Variants in ENSA observed in about 807,000 individuals in gnomAD.
ENSA encodes alpha-endosulfine.
A neutral mutation model predicts 16.8 loss-of-function variants in ENSA; 7 were observed. The observed-to-expected ratio is 0.42, with a 90% CI of 0.24 to 0.78. ENSA has a LOEUF of 0.78. Among genes scored for constraint, ENSA ranks in the 30% least tolerant of loss-of-function variants. ENSA has a pLI of 0.29. For missense variants in ENSA, 87 were observed against 142.3 expected (o/e 0.61, Z 1.98); for synonymous variants, 58 against 53.4 (o/e 1.09, Z -0.37).
intron 1 of ENSA, 45 bp from the exon 2 acceptor site, chr1:150,627,637 A>T (rs1649443588): frequency 6.4e-7 from 1 of 1,565,210 alleles, no homozygotes. Context: ...ACTGAGAAAC[A>T]ACAGCTTCTC....
intron 3 of ENSA, chr1:150,625,079 T>C: frequency 3.0e-6 from 3 of 985,402 alleles, no homozygotes; most frequent in Non-Finnish European, 3.6e-6. Flanking sequence ...CTGTAAGAGA[T>C]ACTAAGTAAT....
At position 150,622,364 on chromosome 1, in the gene ENSA, T is replaced by G. The variant is rs1228010231; in HGVS notation, c.*480A>C. 6.4e-6 allele frequency: 1 copy of G among 157,360 alleles called. No homozygotes were observed. Among genetic ancestry groups the G allele is most frequent in the African/African-American group, 2.4e-5 (1 of 41,670 alleles). 9.7% of individuals were successfully genotyped at this position (157,360 alleles called of 1,614,324 possible). A position where few individuals can be genotyped will look rare whatever the true frequency, so the allele number is the denominator to read the frequency against. On this transcript the variant is annotated 3_prime_UTR_variant, in exon 4 of 4. Coordinates refer to ENST00000369014, the MANE Select transcript of ENSA (RefSeq NM_004436.4). ...ATCTGTCTGTGCGGATGGAGTTTCT[T>G]TTATCTGACACCAGGTCTCCAACCA...
intron 1 of ENSA, chr1:150,629,025 G>A (rs758430613): frequency 3.1e-6 from 5 of 1,610,990 alleles, no homozygotes; most frequent in African/African-American, 1.3e-5. Flanking sequence ...TGCGGATTGA[G>A]GCTGCGGGCC....
At chr1:150,624,178 T>A in intron 3 of ENSA, 1 of 985,544 alleles carries the variant, frequency 1.0e-6, no homozygotes, top group Non-Finnish European at 1.2e-6. Flanking sequence ...CCTCCACCTG[T>A]TCATGAGTCA....
chr1:150,623,476 T>G, intron 3 of ENSA: 1 of 985,828 alleles, frequency 1.0e-6, no homozygotes, highest in Non-Finnish European at 1.2e-6. Flanking sequence ...TTTTTCTGAT[T>G]TCCCTGCTCC....
rs769751729 is a variant in ENSA, at chr1:150,622,812, C to G, written c.*32G>C. The G allele has an allele frequency of 1.3e-6, 2 of 1,554,792 alleles. No homozygotes were observed. Among genetic ancestry groups the G allele is most frequent in the African/African-American group, 1.4e-5 (1 of 72,764 alleles). On this transcript the variant is annotated 3_prime_UTR_variant, in exon 4 of 4. Transcript: ENST00000369014. Reference sequence around the variant, plus strand: ...ACCCGGGTGGGGCAGGGAGGGGAAGCGTCTCAGGATCTGGCAGAGCCCCGG... The same window carrying G: ...ACCCGGGTGGGGCAGGGAGGGGAAGGGTCTCAGGATCTGGCAGAGCCCCGG...
rs587687665 is a variant in ENSA, at chr1:150,626,714, A to G, written c.183+753T>C. On this transcript the variant is annotated intron_variant, in intron 2 of 3. Transcript: ENST00000369014. Reference sequence around the variant, plus strand: ...TGGGACTACAGGCGCCCGCCACCACACCCGGCTAAGTGTTTGTATTATTAA... The same window carrying G: ...TGGGACTACAGGCGCCCGCCACCACGCCCGGCTAAGTGTTTGTATTATTAA... 4.5e-4 allele frequency among the ~76,000 whole-genome samples: 69 copies of G among 151,838 alleles called. 1 individual carries two copies. The South Asian group carries it at 8.6e-3, about 19-fold the overall frequency.
At chr1:150,629,312 G>A (rs1008341446) in intron 1 of ENSA, 102 bp downstream of exon 1, 2 of 1,545,964 alleles carry the variant, frequency 1.3e-6, no homozygotes. Context: ...GCCAACCCCT[G>A]CGGAGCCTGA....
chr1:150,627,268 A>G (rs930452953), intron 2 of ENSA, 199 bp downstream of exon 2: 14 of 1,538,938 alleles, frequency 9.1e-6, no homozygotes, highest in Non-Finnish European at 1.1e-5. Flanking sequence ...TTAATTTCCT[A>G]CATGGGAAAT....
At chr1:150,626,999 A>C in intron 2 of ENSA, 1 of 1,050,286 alleles carries the variant, frequency 9.5e-7, no homozygotes, top group Non-Finnish European at 1.2e-6. Flanking sequence ...TTGCTGCAGG[A>C]GTATAATTAA....
At chr1:150,621,493 C>G (rs1055301242), downstream of ENSA, 6 of 152,370 alleles carry the variant, frequency 3.9e-5, no homozygotes, top group East Asian at 9.6e-4. Flanking sequence ...AGGCTGGTCT[C>G]AAACTCCTGA....
chr1:150,629,213 G>C (rs1649567685), intron 1 of ENSA: 2 of 1,584,084 alleles, frequency 1.3e-6, no homozygotes, highest in Admixed American at 3.4e-5. Context: ...CAATCAGGAA[G>C]AGTACAGTAC....
chr1:150,625,755 A>G lies in ENSA; in HGVS notation c.237T>C (p.Asn79=). Residue 79 remains asparagine (N), a synonymous_variant, in exon 3 of 4, where the codon AAT becomes AAC. Coordinates refer to ENST00000369014, the MANE Select transcript of ENSA (RefSeq NM_004436.4). ...CTGGTCCTGCACTTGGCAGCTGCTTATTCTTCATCTTGGCTTTGGCCATGT... is the reference window on the plus strand; with the variant it reads ...CTGGTCCTGCACTTGGCAGCTGCTTGTTCTTCATCTTGGCTTTGGCCATGT... ...DYNMAKAKMK[N]KQLPSAGPDK... 2 of 1,612,252 alleles carry G rather than the reference A, an allele frequency of 1.2e-6. No individual in the cohort carries two copies. Among genetic ancestry groups the G allele is most frequent in the Non-Finnish European group, 1.7e-6 (2 of 1,179,158 alleles).
intron 1 of ENSA, 64 bp downstream of exon 1, chr1:150,629,350 G>C: frequency 6.3e-7 from 1 of 1,586,408 alleles, no homozygotes; most frequent in Admixed American, 1.8e-5. Flanking sequence ...CGCACTGGTG[G>C]GAGACCGTCT....
At chr1:150,624,362 C>G in intron 3 of ENSA, 1 of 985,944 alleles carries the variant, frequency 1.0e-6, no homozygotes, top group South Asian at 4.7e-5. Flanking sequence ...GCCCCAGGGG[C>G]TAGCTCAGTT....
At chr1:150,626,866 T>C (rs1649367754) in intron 2 of ENSA, among the ~76,000 whole-genome samples, 1 of 152,142 alleles carries the variant, frequency 6.6e-6, no homozygotes, top group Non-Finnish European at 1.5e-5. Context: ...TAAAAAACGA[T>C]AATATAATCC....
At chr1:150,628,950 A>C in intron 1 of ENSA, 1 of 1,146,546 alleles carries the variant, frequency 8.7e-7, no homozygotes, top group Non-Finnish European at 1.3e-6. Context: ...CATTATAATA[A>C]CTACACTTCT....
At chr1:150,625,381 C>T (rs1157967958) in intron 3 of ENSA, 15 of 1,160,890 alleles carry the variant, frequency 1.3e-5, no homozygotes, top group Non-Finnish European at 1.6e-5. Flanking sequence ...AAAGCATTTG[C>T]AGCATTATCC....
Position 150,627,607 on chromosome 1 carries a change from T to G in ENSA, c.58-15A>C. 1 of 1,594,328 alleles carries G rather than the reference T, an allele frequency of 6.3e-7. No individual in the cohort carries two copies. Among genetic ancestry groups the G allele is most frequent in the Non-Finnish European group, 8.5e-7 (1 of 1,173,704 alleles). Reference sequence around the variant, plus strand: ...TCCTGCGTGTCCTGGAGAAAACAAATGAGCCAAATAAAATTAAAGACTGAG... The same window carrying G: ...TCCTGCGTGTCCTGGAGAAAACAAAGGAGCCAAATAAAATTAAAGACTGAG... On this transcript the variant is annotated splice_polypyrimidine_tract_variant and intron_variant, in intron 1 of 3. Coordinates refer to ENST00000369014, the MANE Select transcript of ENSA (RefSeq NM_004436.4).
Sources: allele counts gnomAD v4.1 joint callset (sites outside exome capture counted in the v4.1 genomes callset), GRCh38; gene constraint gnomAD v4.1.1; transcripts MANE v1.5; gene names NCBI Gene and HGNC (gene_info 2026-07-23, HGNC 2026-07-21).